The following TPRG1 variants were observed in gnomAD, a reference collection of about 807,000 sequenced individuals.
The protein encoded by TPRG1 is tumor protein p63-regulated gene 1 protein.
In TPRG1, 29 loss-of-function variants were observed where a neutral mutation model predicts 29.3. The ratio of observed to expected loss-of-function variants is 0.99; its 90% confidence interval spans 0.74 to 1.35. The LOEUF (loss-of-function observed/expected upper bound fraction) is 1.35, where lower values mean the gene tolerates loss of function less well. Among genes scored for constraint, TPRG1 ranks in the 40% most tolerant of loss-of-function variants. The pLI is 0.00. For missense variants in TPRG1, 327 were observed against 335.0 expected (o/e 0.98, Z 0.19); for synonymous variants, 130 against 116.8 (o/e 1.11, Z -0.73).
upstream of TPRG1, among the ~76,000 whole-genome samples, chr3:189,171,460 C>T (rs1728801724): frequency 6.6e-6 from 1 of 152,166 alleles, no homozygotes; most frequent in Non-Finnish European, 1.5e-5. Flanking sequence ...CCTCAAGGGG[C>T]CCCCCATCTA....
intron 5 of TPRG1, among the ~76,000 whole-genome samples, chr3:189,311,478 T>C (rs1234639110): frequency 1.3e-5 from 2 of 152,224 alleles, no homozygotes; most frequent in Non-Finnish European, 1.5e-5. Context: ...AATATATATG[T>C]ATGTGTGTGA....
At chr3:189,171,162 C>T (rs922797491), upstream of TPRG1, among the ~76,000 whole-genome samples, 5 of 152,086 alleles carry the variant, frequency 3.3e-5, no homozygotes, top group Non-Finnish European at 7.3e-5. Context: ...TTTTTAGCAC[C>T]GTTGCTATGT....
intron 4 of TPRG1, among the ~76,000 whole-genome samples, chr3:189,244,693 T>C (rs1208208394): frequency 6.6e-6 from 1 of 152,034 alleles, no homozygotes; most frequent in Non-Finnish European, 1.5e-5. Flanking sequence ...GCCCCCATGA[T>C]CCAATCATCT....
chr3:189,040,634 T>G (rs1429697224), intron 4 of TPRG1, among the ~76,000 whole-genome samples: 1 of 152,176 alleles, frequency 6.6e-6, no homozygotes, highest in Non-Finnish European at 1.5e-5. Context: ...TGGTGCTACT[T>G]CTGCTCATAT....
intron 1 of TPRG1, among the ~76,000 whole-genome samples, chr3:188,998,463 G>A (rs1711896030): frequency 6.6e-6 from 1 of 152,204 alleles, no homozygotes; most frequent in African/African-American, 2.4e-5. Flanking sequence ...AGGCAGAAAG[G>A]AACCACAGCA....
intron 1 of TPRG1, among the ~76,000 whole-genome samples, chr3:189,200,732 A>T (rs1243407577): frequency 6.6e-6 from 1 of 152,210 alleles, no homozygotes; most frequent in Non-Finnish European, 1.5e-5. Context: ...TTCTTTATTT[A>T]ACTAAATTGT....
chr3:189,217,698 A>G lies in TPRG1; in HGVS notation c.302+2315A>G, dbSNP rs544929094. On this transcript the variant is annotated intron_variant, in intron 3 of 5. Transcript: ENST00000345063. ...GCATTATGCAATGGAAAGCGCTGCT[A>G]GTTGTAAAGACCATGGTTCAGGCAT... is the stretch of plus-strand genomic sequence containing the variant. Among the ~76,000 whole-genome samples the G allele has an allele frequency of 1.4e-4, 21 of 152,314 alleles. No homozygotes were observed. In the South Asian group the frequency reaches 4.3e-3, roughly 32 times the overall value.
At chr3:189,011,512 A>T (rs529658902) in intron 3 of TPRG1, among the ~76,000 whole-genome samples, 1 of 152,304 alleles carries the variant, frequency 6.6e-6, no homozygotes, top group African/African-American at 2.4e-5. Context: ...ATCATGGCAG[A>T]AGGCAAGGAG....
rs576770459 is a variant in TPRG1, at chr3:189,050,372, C to G, written c.-463+26426C>G. 3.2e-4 allele frequency among the ~76,000 whole-genome samples: 48 copies of G among 152,242 alleles called. 1 individual carries two copies. The South Asian group carries it at 9.1e-3, about 29-fold the overall frequency. ...AAATTTCTGGGAAAATACAACCTTC[C>G]TAGCTTAAATCAGGAAGAATTAGAT... On this transcript the variant is annotated intron_variant, in intron 4 of 10. Coordinates refer to the TPRG1 transcript ENST00000433971.
Position 189,047,933 on chromosome 3 carries a change from G to C in TPRG1, c.-463+23987G>C, listed in dbSNP as rs1715078762. Reference sequence around the variant, plus strand: ...CTCCAGTCAAGTCTGGAACCCCTCAGTTATCCATGAATGTTGAAATTAACT... The same window carrying C: ...CTCCAGTCAAGTCTGGAACCCCTCACTTATCCATGAATGTTGAAATTAACT... On this transcript the variant is annotated intron_variant, in intron 4 of 10. Coordinates refer to the TPRG1 transcript ENST00000433971. Among the ~76,000 whole-genome samples, 4 of 152,136 alleles carry C rather than the reference G, an allele frequency of 2.6e-5. No individual in the cohort carries two copies. In the South Asian group the frequency reaches 8.3e-4, roughly 31 times the overall value.
At chr3:189,254,330 T>C (rs1320149747) in intron 4 of TPRG1, among the ~76,000 whole-genome samples, 2 of 152,216 alleles carry the variant, frequency 1.3e-5, no homozygotes, top group Non-Finnish European at 2.9e-5. Context: ...TAGATGGCTG[T>C]AGATGTATGG....
chr3:189,141,319 A>T (rs991066711), intron 3 of TPRG1, among the ~76,000 whole-genome samples: 6 of 152,198 alleles, frequency 3.9e-5, no homozygotes, highest in African/African-American at 1.4e-4. Context: ...TTTAAAGGGC[A>T]CTTTGGGAGG....
chr3:189,033,246 A>G (rs901390442), intron 4 of TPRG1, among the ~76,000 whole-genome samples: 27 of 151,570 alleles, frequency 1.8e-4, no homozygotes, highest in Non-Finnish European at 4.0e-4. Context: ...GAGATTGGCT[A>G]TTGAGAACAG....
At chr3:189,032,654 A>T (rs935061622) in intron 4 of TPRG1, among the ~76,000 whole-genome samples, 2 of 150,756 alleles carry the variant, frequency 1.3e-5, no homozygotes, top group South Asian at 2.1e-4. Context: ...TGTGCAGGTT[A>T]GTTACATATG....
intron 4 of TPRG1, among the ~76,000 whole-genome samples, chr3:189,287,614 G>T (rs980203160): frequency 4.6e-5 from 7 of 151,982 alleles, no homozygotes; most frequent in Admixed American, 6.6e-5. Flanking sequence ...AGCCAGGATG[G>T]TCTCGATCTC....
At chr3:189,007,473 G>T (rs2152122129) in intron 3 of TPRG1, among the ~76,000 whole-genome samples, 1 of 151,912 alleles carries the variant, frequency 6.6e-6, no homozygotes, top group South Asian at 2.1e-4. Flanking sequence ...TTCAACGATT[G>T]TGGAAGTCAG....
Position 189,091,146 on chromosome 3 carries a change from G to A in TPRG1, c.-462-35911G>A, listed in dbSNP as rs1321369122. Among the ~76,000 whole-genome samples, 3 of 152,040 alleles carry A rather than the reference G, an allele frequency of 2.0e-5. No homozygotes were observed. In the East Asian group the frequency reaches 5.8e-4, roughly 29 times the overall value. On this transcript the variant is annotated intron_variant, in intron 4 of 10. Coordinates refer to the TPRG1 transcript ENST00000433971. ...TAAAACTTTGCCTGAGAAAGAGTGT[G>A]TATGAAATAAATGTCAACTATCATT... is the stretch of plus-strand genomic sequence containing the variant.
At chr3:189,167,255 A>G (rs190021629), upstream of TPRG1, among the ~76,000 whole-genome samples, 1 of 152,308 alleles carries the variant, frequency 6.6e-6, no homozygotes, top group East Asian at 1.9e-4. Context: ...CACCCCAGGT[A>G]TGAGTCAGAC....
At chr3:189,218,351 C>T (rs951414646) in intron 3 of TPRG1, among the ~76,000 whole-genome samples, 24 of 152,214 alleles carry the variant, frequency 1.6e-4, no homozygotes, top group Admixed American at 4.6e-4. Flanking sequence ...CTCCTGACCT[C>T]GTGATCCGCC....
Sources: gnomAD v4.1 joint callset for allele counts (sites outside exome capture counted in the v4.1 genomes callset) on GRCh38, gnomAD v4.1.1 for gene constraint, MANE v1.5 for transcripts, NCBI Gene and HGNC (gene_info 2026-07-23, HGNC 2026-07-21) for gene names.